ALPK3: variants seen among roughly 807,000 people sequenced by gnomAD.
The protein encoded by ALPK3 is alpha kinase 3.
ALPK3 carries 102 observed loss-of-function variants against 140.0 expected under a neutral mutation model. The observed-to-expected ratio is 0.73, with a 90% CI of 0.62 to 0.86. The LOEUF (loss-of-function observed/expected upper bound fraction) is 0.86, where lower values mean the gene tolerates loss of function less well. ALPK3 is among the 40% of genes least tolerant of loss of function. The pLI is 0.00. For missense variants in ALPK3, 2,254 were observed against 2,208.2 expected (o/e 1.02, Z -0.42); for synonymous variants, 938 against 898.5 (o/e 1.04, Z -0.79).
chr15:84,850,324 C>T (rs1963788303), intron 5 of ALPK3, among the ~76,000 whole-genome samples: 1 of 151,996 alleles, frequency 6.6e-6, no homozygotes, highest in South Asian at 2.1e-4. Context: ...TCCTGTGAAC[C>T]CCTTATGTGT....
At chr15:84,861,897 T>C (rs1963949689) in intron 9 of ALPK3, among the ~76,000 whole-genome samples, 1 of 152,232 alleles carries the variant, frequency 6.6e-6, no homozygotes, top group African/African-American at 2.4e-5. Flanking sequence ...ATTTTTAACA[T>C]ATTTGATATG....
At chr15:84,848,061 CAA>C (rs376508901) in intron 5 of ALPK3, among the ~76,000 whole-genome samples, 2 of 127,598 alleles carry the variant, frequency 1.6e-5, no homozygotes, top group Non-Finnish European at 1.7e-5. Context: ...GACTTGATCT[CAA>C]AAAAAAAAAA....
At position 84,856,584 on chromosome 15, in the gene ALPK3, A is replaced by G. The variant is rs753965640; in HGVS notation, c.1846A>G (p.Ile616Val). The G allele has an allele frequency of 3.1e-6, 5 of 1,614,068 alleles. No individual in the cohort carries two copies. In the African/African-American group the frequency reaches 6.7e-5, roughly 22 times the overall value. The change falls in exon 6 of 14, where the codon ATA (isoleucine) becomes GTA (valine). Residue 616 changes from isoleucine (I) to valine (V), a missense_variant. Ile to Val is a conservative substitution (Grantham distance 29, BLOSUM62 3). Around this residue, in one of 3 missense-constraint regions of ALPK3, gnomAD observed 2,088 missense variants for 2,022.9 expected, o/e 1.03. Coordinates refer to ENST00000258888, the MANE Select transcript of ALPK3 (RefSeq NM_020778.5). ...GAAGAATGTGCAGGCAGATGGGAAG[A>G]TACAAGTGGATGGAAGGACCAGGGG... ...SKKNVQADGK[I>V]QVDGRTRGDG...
intron 3 of ALPK3, among the ~76,000 whole-genome samples, chr15:84,836,883 G>A (rs1045910472): frequency 6.6e-6 from 1 of 152,166 alleles, no homozygotes; most frequent in African/African-American, 2.4e-5. Flanking sequence ...AAGTCTAGGT[G>A]GGAGGGGAGG....
Position 84,829,672 on chromosome 15 carries a change from G to C in ALPK3, c.304+2067G>C, listed in dbSNP as rs527840438. Among the ~76,000 whole-genome samples the C allele has an allele frequency of 1.6e-4, 24 of 152,318 alleles. No individual in the cohort carries two copies. In the East Asian group the frequency reaches 4.0e-3, roughly 26 times the overall value. On this transcript the variant is annotated intron_variant, in intron 3 of 13. Transcript: ENST00000258888. ...ATCGTGAGTATCTGGGACTACAGGC[G>C]CGTGCCACCACACCCATGCTAATGA... is the stretch of plus-strand genomic sequence containing the variant.
At chr15:84,863,428 C>G (rs1221072084) in intron 10 of ALPK3, 124 bp from the exon 11 acceptor site, 3 of 777,428 alleles carry the variant, frequency 3.9e-6, no homozygotes, top group Non-Finnish European at 6.1e-6. Flanking sequence ...AGCCCTTCCT[C>G]CCCCAGGGCT....
At chr15:84,823,180 T>A in intron 1 of ALPK3, 150 bp from the exon 2 acceptor site, 1 of 789,106 alleles carries the variant, frequency 1.3e-6, no homozygotes, top group Non-Finnish European at 2.1e-6. Context: ...AGTTGCTAAA[T>A]GGAGCAGGCC....
chr15:84,853,332 G>T (rs1364166818), intron 5 of ALPK3, among the ~76,000 whole-genome samples: 1 of 152,182 alleles, frequency 6.6e-6, no homozygotes, highest in African/African-American at 2.4e-5. Context: ...CTTCAGTTAG[G>T]CCGGGTGCAG....
chr15:84,840,988 A>G, intron 5 of ALPK3, 56 bp downstream of exon 5: 1 of 1,494,088 alleles, frequency 6.7e-7, no homozygotes, highest in Non-Finnish European at 8.9e-7. Context: ...CCTCATGGAA[A>G]CTCTTGCTGC....
Position 84,840,467 on chromosome 15 carries a change from A to G in ALPK3, c.1188A>G (p.Pro396=). The stretch of plus-strand genomic sequence containing the variant: ...AGCCAGCCTCTGCTGTGGGCACTCC[A>G]GACAAGGCCCAGAAGGCCCCTGGCC... ...TRKPASAVGT[P]DKAQKAPGPG... Residue 396 remains proline (P), a synonymous_variant, in exon 5 of 14, where the codon CCA becomes CCG. Coordinates refer to ENST00000258888, the MANE Select transcript of ALPK3 (RefSeq NM_020778.5). 6.2e-7 allele frequency: 1 copy of G among 1,613,712 alleles called. No homozygotes were observed. The highest frequency in any genetic ancestry group is 8.5e-7 in the Non-Finnish European group (1 of 1,179,862).
chr15:84,867,293 A>G (rs751946380), intron 12 of ALPK3, 24 bp from the exon 13 acceptor site: 4 of 1,613,088 alleles, frequency 2.5e-6, no homozygotes, highest in Non-Finnish European at 3.4e-6. Context: ...ACTGGCATCA[A>G]CTCCCAACTT....
intron 5 of ALPK3, among the ~76,000 whole-genome samples, chr15:84,843,021 A>G (rs1963684787): frequency 6.6e-6 from 1 of 152,186 alleles, no homozygotes; most frequent in Admixed American, 6.5e-5. Context: ...CTAAATGGTG[A>G]GGAACCCAAT....
chr15:84,819,895 C>T (rs1322369121), intron 1 of ALPK3, among the ~76,000 whole-genome samples: 1 of 152,198 alleles, frequency 6.6e-6, no homozygotes, highest in Non-Finnish European at 1.5e-5. Context: ...GTGGATGGCC[C>T]AGAACCTATC....
chr15:84,860,598 A>G lies in ALPK3; in HGVS notation c.4129+526A>G, dbSNP rs551026664. 2.6e-5 allele frequency among the ~76,000 whole-genome samples: 4 copies of G among 152,366 alleles called. No individual in the cohort carries two copies. In the East Asian group the frequency reaches 7.7e-4, roughly 29 times the overall value. On this transcript the variant is annotated intron_variant, in intron 9 of 13. Transcript: ENST00000258888. The stretch of plus-strand genomic sequence containing the variant: ...ATAGGGATGGGCACGTACTGCTCCT[A>G]CAAGAGACAGGCTAAGGCTTGGGAC...
At chr15:84,850,001 A>G (rs1226266397) in intron 5 of ALPK3, among the ~76,000 whole-genome samples, 40 of 140,508 alleles carry the variant, frequency 2.8e-4, no homozygotes, top group Admixed American at 6.4e-4. Context: ...AAGACTTAGA[A>G]AAAAAAAAAA....
chr15:84,852,935 G>T (rs1195226107), intron 5 of ALPK3, among the ~76,000 whole-genome samples: 1 of 152,234 alleles, frequency 6.6e-6, no homozygotes, highest in African/African-American at 2.4e-5. Flanking sequence ...CTTTACAGTA[G>T]TCCAGGCAAG....
chr15:84,853,512 G>C (rs1362244339), intron 5 of ALPK3, among the ~76,000 whole-genome samples: 1 of 152,150 alleles, frequency 6.6e-6, no homozygotes, highest in Non-Finnish European at 1.5e-5. Flanking sequence ...TACTCGGGAG[G>C]CTAAGGCAGG....
intron 3 of ALPK3, among the ~76,000 whole-genome samples, chr15:84,829,726 G>A (rs536940532): frequency 2.6e-4 from 40 of 152,340 alleles, no homozygotes; most frequent in Non-Finnish European, 4.7e-4. Context: ...CCACCCAGGG[G>A]TGTGCTTTTT....
chr15:84,841,191 C>T (rs551012916), intron 5 of ALPK3, among the ~76,000 whole-genome samples: 1 of 152,084 alleles, frequency 6.6e-6, no homozygotes, highest in African/African-American at 2.4e-5. Flanking sequence ...GACTGTGCCC[C>T]GGAGGGAGAT....
Sources: gnomAD v4.1 joint callset for allele counts (sites outside exome capture counted in the v4.1 genomes callset) on GRCh38, gnomAD v4.1.1 for gene constraint, gnomAD v4.1.1 regional missense constraint, MANE v1.5 for transcripts, NCBI Gene and HGNC (gene_info 2026-07-23, HGNC 2026-07-21) for gene names.